The following MPPED2 variants were observed in gnomAD, a reference collection of about 807,000 sequenced individuals.
The protein encoded by MPPED2 is metallophosphoesterase domain containing 2, also known as metallophosphoesterase MPPED2.
MPPED2 carries 5 observed loss-of-function variants against 33.0 expected under a neutral mutation model. The observed-to-expected ratio is 0.15, with a 90% confidence interval of 0.08 to 0.32. MPPED2 has a LOEUF of 0.32. MPPED2 is among the 10% of genes least tolerant of loss of function. The pLI is 1.00. For missense variants in MPPED2, 275 were observed against 372.1 expected (o/e 0.74, Z 2.15); for synonymous variants, 136 against 141.9 (o/e 0.96, Z 0.29).
At chr11:30,504,666 AC>A in intron 3 of MPPED2, 2 of 739,938 alleles carry the variant, frequency 2.7e-6, no homozygotes, top group Non-Finnish European at 4.0e-6. Context: ...TCTGTCTCTG[AC>A]CTCAGTCTGT....
chr11:30,404,573 T>G (rs1199317684), intron 6 of MPPED2, among the ~76,000 whole-genome samples: 1 of 152,178 alleles, frequency 6.6e-6, no homozygotes, highest in Admixed American at 6.5e-5. Flanking sequence ...CTTGTCTGAG[T>G]TTTATGCCAC....
At chr11:30,554,950 C>T (rs199538283) in intron 2 of MPPED2, among the ~76,000 whole-genome samples, 173 of 152,302 alleles carry the variant, frequency 1.1e-3, no homozygotes, top group African/African-American at 4.2e-3. Flanking sequence ...GCCCCAAATG[C>T]AGATAGTCTC....
At chr11:30,499,267 G>A (rs991326183) in intron 3 of MPPED2, among the ~76,000 whole-genome samples, 9 of 152,180 alleles carry the variant, frequency 5.9e-5, no homozygotes, top group Non-Finnish European at 1.2e-4. Flanking sequence ...TTCTAACAGA[G>A]GTTGAGCATC....
chr11:30,555,620 C>A (rs1452005584), intron 2 of MPPED2, among the ~76,000 whole-genome samples: 2 of 152,126 alleles, frequency 1.3e-5, no homozygotes, highest in African/African-American at 4.8e-5. Context: ...AAAGGGCAGA[C>A]CCCCTGCACA....
chr11:30,385,816 C>T (rs1947695965), exon 7 of MPPED2: 2 of 152,316 alleles, frequency 1.3e-5, no homozygotes, highest in South Asian at 4.1e-4. Context: ...TAGACCTTTA[C>T]TTACTGGGTT....
At chr11:30,488,983 AG>A (rs1258493860) in intron 4 of MPPED2, among the ~76,000 whole-genome samples, 8 of 151,862 alleles carry the variant, frequency 5.3e-5, no homozygotes, top group African/African-American at 1.9e-4. Flanking sequence ...CTCATTCTTT[AG>A]TGCCAAAGGA....
At chr11:30,570,259 T>C (rs1184984678) in intron 2 of MPPED2, among the ~76,000 whole-genome samples, 1 of 152,066 alleles carries the variant, frequency 6.6e-6, no homozygotes, top group East Asian at 1.9e-4. Flanking sequence ...TAACCTCATA[T>C]GAAAGAAGAA....
rs117823829 is a variant in MPPED2 at position 30,411,661 on chromosome 11, G to T, written c.767-75C>A. ...ATGGAATGTAGGGCTGTCAGGCAAG[G>T]AAAACAAAAAATTTTTGTCAGTGGG... On this transcript the variant is annotated intron_variant, in intron 6 of 6. Coordinates refer to ENST00000358117, the MANE Select transcript of MPPED2 (RefSeq NM_001584.3). The T allele has an allele frequency of 4.0e-4, 535 of 1,353,862 alleles. 5 individuals are homozygous for T. In the East Asian group the frequency reaches 0.012, roughly 30 times the overall value. The allele number at this position is 1,353,862 out of a possible 1,614,324, so 83.9% of individuals were successfully genotyped here.
chr11:30,551,947 G>A (rs1359928270), intron 2 of MPPED2, among the ~76,000 whole-genome samples: 1 of 152,084 alleles, frequency 6.6e-6, no homozygotes, highest in Non-Finnish European at 1.5e-5. Flanking sequence ...TTGTTTTTCT[G>A]CCTCTGCAAA....
chr11:30,408,439 G>A (rs1948024324), downstream of MPPED2, among the ~76,000 whole-genome samples: 1 of 152,222 alleles, frequency 6.6e-6, no homozygotes, highest in South Asian at 2.1e-4. Context: ...AGCCTTAGGA[G>A]TAGCTGGGAT....
At chr11:30,408,919 C>T (rs1301600590), downstream of MPPED2, among the ~76,000 whole-genome samples, 2 of 152,198 alleles carry the variant, frequency 1.3e-5, no homozygotes. Flanking sequence ...GTGTAGAAAG[C>T]TCTGGGCATC....
At chr11:30,546,931 G>A (rs12276647) in intron 2 of MPPED2, among the ~76,000 whole-genome samples, 34,811 of 152,012 alleles carry the variant, frequency 0.23, 4,306 homozygotes, top group East Asian at 0.41. Context: ...TGCAGAAATG[G>A]CTGGTTCACT....
chr11:30,469,253 C>T (rs1332635871), intron 4 of MPPED2, among the ~76,000 whole-genome samples: 1 of 152,138 alleles, frequency 6.6e-6, no homozygotes, highest in Non-Finnish European at 1.5e-5. Flanking sequence ...TTCTTACCAT[C>T]TACTTTTTTC....
chr11:30,529,533 G>GTT (rs143682773), intron 3 of MPPED2, among the ~76,000 whole-genome samples: 1 of 152,092 alleles, frequency 6.6e-6, no homozygotes, highest in Non-Finnish European at 1.5e-5. Context: ...TTGTGTGTGT[G>GTT]TGTGTGTGTG....
intron 2 of MPPED2, among the ~76,000 whole-genome samples, chr11:30,548,484 C>T (rs1265364647): frequency 6.6e-6 from 1 of 152,166 alleles, no homozygotes; most frequent in Non-Finnish European, 1.5e-5. Flanking sequence ...TCTCCCAAAG[C>T]ACTGGGATTA....
chr11:30,452,514 C>T (rs1950105336), intron 4 of MPPED2, among the ~76,000 whole-genome samples: 2 of 152,190 alleles, frequency 1.3e-5, no homozygotes, highest in African/African-American at 2.4e-5. Flanking sequence ...AGGTTTTTCG[C>T]ATCAAAATCA....
At chr11:30,460,717 T>C (rs371246466) in intron 4 of MPPED2, among the ~76,000 whole-genome samples, 1 of 152,246 alleles carries the variant, frequency 6.6e-6, no homozygotes, top group South Asian at 2.1e-4. Flanking sequence ...TTTTATATTG[T>C]TGAGAGTAGG....
chr11:30,475,841 A>C (rs1401317399), intron 4 of MPPED2, among the ~76,000 whole-genome samples: 1 of 152,084 alleles, frequency 6.6e-6, no homozygotes, highest in East Asian at 1.9e-4. Context: ...AAGTTTTCCA[A>C]AGAGGGTGTT....
intron 4 of MPPED2, among the ~76,000 whole-genome samples, chr11:30,440,231 C>T (rs761657188): frequency 6.6e-6 from 1 of 151,542 alleles, no homozygotes; most frequent in Admixed American, 6.6e-5. Flanking sequence ...TCAGGAGGCT[C>T]GGGCAGGAGA....
Sources: gnomAD v4.1 joint callset for allele counts (sites outside exome capture counted in the v4.1 genomes callset) on GRCh38, gnomAD v4.1.1 for gene constraint, MANE v1.5 for transcripts, NCBI Gene and HGNC (gene_info 2026-07-23, HGNC 2026-07-21) for gene names.